DCC: variants seen among roughly 807,000 people sequenced by gnomAD.
The protein encoded by DCC is DCC netrin 1 receptor.
DCC carries 58 observed loss-of-function variants against 172.5 expected under a neutral mutation model. The observed-to-expected ratio is 0.34, with a 90% CI of 0.27 to 0.42. The LOEUF (loss-of-function observed/expected upper bound fraction) is 0.42, where lower values mean the gene tolerates loss of function less well. Ranked by LOEUF, DCC falls within the 10% of genes least tolerant of loss-of-function variation. The pLI is 1.00. For missense variants in DCC, 1,740 were observed against 1,791.0 expected, an observed-to-expected ratio of 0.97 and a Z score of 0.51; for synonymous variants, 709 against 644.5, an observed-to-expected ratio of 1.10 and a Z score of -1.52.
intron 5 of DCC, among the ~76,000 whole-genome samples, chr18:52,944,402 G>A (rs747674814): frequency 2.6e-5 from 4 of 152,126 alleles, no homozygotes; most frequent in Non-Finnish European, 4.4e-5. Context: ...CACCGTTTCT[G>A]CATCCAAAAC....
At chr18:52,906,931 G>C (rs1282768665) in intron 3 of DCC, among the ~76,000 whole-genome samples, 1 of 151,864 alleles carries the variant, frequency 6.6e-6, no homozygotes, top group Non-Finnish European at 1.5e-5. Flanking sequence ...TGAGCATACT[G>C]TAGTGCCAGA....
chr18:52,719,817 G>A (rs997339145), intron 1 of DCC, among the ~76,000 whole-genome samples: 1 of 152,172 alleles, frequency 6.6e-6, no homozygotes, highest in African/African-American at 2.4e-5. Flanking sequence ...AGGCAGAGTG[G>A]TGAGTTCAAG....
chr18:52,785,570 T>C (rs1388060978), intron 2 of DCC, among the ~76,000 whole-genome samples: 2 of 152,002 alleles, frequency 1.3e-5, no homozygotes, highest in African/African-American at 2.4e-5. Flanking sequence ...CTGGGGTCAA[T>C]CTAAGGGTCC....
chr18:53,530,376 A>C (rs2046512107), intron 28 of DCC, 188 bp from the exon 29 acceptor site: 1 of 704,260 alleles, frequency 1.4e-6, no homozygotes, highest in South Asian at 1.5e-5. Context: ...AACAATATGC[A>C]ATCTCTTATT....
At chr18:53,449,340 G>T (rs562989592) in intron 22 of DCC, among the ~76,000 whole-genome samples, 1 of 152,268 alleles carries the variant, frequency 6.6e-6, no homozygotes, top group African/African-American at 2.4e-5. Flanking sequence ...TACGTCAAGG[G>T]TCATTAGTCA....
At chr18:52,638,891 C>T (rs1380136303) in intron 1 of DCC, among the ~76,000 whole-genome samples, 3 of 152,082 alleles carry the variant, frequency 2.0e-5, no homozygotes, top group Admixed American at 6.6e-5. Context: ...ATCCAAGAAC[C>T]ACAGAATACA....
At chr18:53,394,063 C>T (rs1471824372) in intron 17 of DCC, among the ~76,000 whole-genome samples, 4 of 152,242 alleles carry the variant, frequency 2.6e-5, no homozygotes, top group East Asian at 3.9e-4. Context: ...AAGCCAATGT[C>T]ATATCTTTAC....
chr18:53,309,155 G>A (rs550769909), intron 13 of DCC, among the ~76,000 whole-genome samples: 4 of 151,962 alleles, frequency 2.6e-5, no homozygotes, highest in Non-Finnish European at 4.4e-5. Context: ...CTCCTGCCTC[G>A]GCCTACGGAG....
chr18:52,390,618 G>T (rs796138690), intron 1 of DCC, among the ~76,000 whole-genome samples: 2 of 152,214 alleles, frequency 1.3e-5, no homozygotes, highest in East Asian at 1.9e-4. Context: ...AAGAAACCCA[G>T]GTTGGCATCT....
chr18:52,361,691 G>A (rs1229476659), intron 1 of DCC, among the ~76,000 whole-genome samples: 1 of 152,166 alleles, frequency 6.6e-6, no homozygotes, highest in African/African-American at 2.4e-5. Flanking sequence ...AAAATTTACT[G>A]AATTCGAATC....
intron 2 of DCC, among the ~76,000 whole-genome samples, chr18:52,868,053 ATGTGTGTGTGTG>A (rs1555675518): frequency 2.1e-5 from 3 of 144,326 alleles, no homozygotes; most frequent in Non-Finnish European, 4.5e-5. Context: ...ATATATATAT[ATGTGTGTGTGTG>A]TGTGTGTGTG....
chr18:53,118,096 A>G (rs2043432789), intron 7 of DCC, among the ~76,000 whole-genome samples: 1 of 151,764 alleles, frequency 6.6e-6, no homozygotes, highest in Non-Finnish European at 1.5e-5. Flanking sequence ...GCAAATTCCC[A>G]ATGCTTCATT....
chr18:53,168,171 C>G (rs2144431489), intron 8 of DCC, among the ~76,000 whole-genome samples: 1 of 152,232 alleles, frequency 6.6e-6, no homozygotes, highest in South Asian at 2.1e-4. Flanking sequence ...CCTCAAGGAT[C>G]TACAACCAGA....
chr18:52,531,471 A>T (rs2032148582), intron 1 of DCC, among the ~76,000 whole-genome samples: 2 of 152,198 alleles, frequency 1.3e-5, no homozygotes, highest in African/African-American at 4.8e-5. Flanking sequence ...AAGTAAGGCA[A>T]TATATTCATT....
intron 7 of DCC, among the ~76,000 whole-genome samples, chr18:53,107,817 A>T (rs1263454824): frequency 6.6e-6 from 1 of 151,880 alleles, no homozygotes; most frequent in Admixed American, 6.6e-5. Context: ...TCTAGGTGAG[A>T]GTAAGGGCTA....
At chr18:52,902,768 G>A (rs2039828324) in intron 2 of DCC, among the ~76,000 whole-genome samples, 1 of 152,150 alleles carries the variant, frequency 6.6e-6, no homozygotes. Flanking sequence ...ATTCAGTCAA[G>A]CCTTATAGAG....
chr18:52,726,261 G>A (rs1423109352), intron 1 of DCC, among the ~76,000 whole-genome samples: 2 of 152,186 alleles, frequency 1.3e-5, no homozygotes, highest in African/African-American at 4.8e-5. Flanking sequence ...ATCTAGATAT[G>A]CTTGCCTCCG....
intron 1 of DCC, among the ~76,000 whole-genome samples, chr18:52,559,828 AAG>A (rs1477885549): frequency 6.6e-6 from 1 of 152,170 alleles, no homozygotes; most frequent in Admixed American, 6.5e-5. Flanking sequence ...GAGAGAGAGA[AAG>A]AGAGAAAAGA....
At chr18:52,958,062 C>A (rs540408401) in intron 5 of DCC, among the ~76,000 whole-genome samples, 1 of 152,180 alleles carries the variant, frequency 6.6e-6, no homozygotes, top group African/African-American at 2.4e-5. Context: ...TGAAGTGCAG[C>A]AGGAAAGCAC....
Sources: gnomAD v4.1 joint callset for allele counts (sites outside exome capture counted in the v4.1 genomes callset) on GRCh38, gnomAD v4.1.1 for gene constraint, MANE v1.5 for transcripts, NCBI Gene and HGNC (gene_info 2026-07-23, HGNC 2026-07-21) for gene names.